The following B4GALNT2 variants were observed in gnomAD, a reference collection of about 807,000 sequenced individuals.
B4GALNT2 encodes the protein beta-1,4-N-acetyl-galactosaminyltransferase 2 (SID blood group).
In B4GALNT2, 42 loss-of-function variants were observed where a neutral mutation model predicts 51.1. That is an observed-to-expected ratio of 0.82 (90% CI 0.64 to 1.06). The LOEUF (loss-of-function observed/expected upper bound fraction) is 1.06, where lower values mean the gene tolerates loss of function less well. Ranked by LOEUF, B4GALNT2 falls within the 50% of genes least tolerant of loss-of-function variation. The probability of loss-of-function intolerance (pLI) is 0.00; values close to 1 mark genes in which losing one functional copy is unlikely to be tolerated. For missense variants in B4GALNT2, 602 were observed against 633.6 expected (o/e 0.95, Z 0.54); for synonymous variants, 253 against 251.7 (o/e 1.01, Z -0.05).
chr17:49,164,902 T>G (rs1394466841), intron 8 of B4GALNT2, among the ~76,000 whole-genome samples: 1 of 152,050 alleles, frequency 6.6e-6, no homozygotes, highest in Non-Finnish European at 1.5e-5. Context: ...GCCTCAACCT[T>G]AAAGGCTCAA....
At chr17:49,138,615 T>C (rs1232186754) in intron 1 of B4GALNT2, among the ~76,000 whole-genome samples, 1 of 152,160 alleles carries the variant, frequency 6.6e-6, no homozygotes, top group African/African-American at 2.4e-5. Flanking sequence ...TGGTGGCTCA[T>C]GCGTGTAATC....
At chr17:49,123,021 T>G in the B4GALNT2 span, among the ~76,000 whole-genome samples, 535 of 152,322 alleles carry the variant, frequency 3.5e-3, 3 homozygotes, top group African/African-American at 0.012. Flanking sequence ...TCTCACTTAG[T>G]TACTTATTTT....
At chr17:49,120,474 GTGTGTGTGTC>G in the B4GALNT2 span, among the ~76,000 whole-genome samples, 1 of 103,972 alleles carries the variant, frequency 9.6e-6, no homozygotes, top group African/African-American at 3.7e-5. Flanking sequence ...TTGTGTGTGT[GTGTGTGTGTC>G]TGTGTGTGTG....
chr17:49,143,609 T>G (rs2042665849), intron 3 of B4GALNT2, among the ~76,000 whole-genome samples: 1 of 152,214 alleles, frequency 6.6e-6, no homozygotes, highest in Non-Finnish European at 1.5e-5. Flanking sequence ...AGGTTTGACT[T>G]TTGAAGCTAG....
Position 49,171,483 on chromosome 17 carries a change from A to G in B4GALNT2, c.*1755A>G, listed in dbSNP as rs1221653391. ...AGAGTGTCCTTCTAGATGCTTTTTTATTCTTTCCCAAATTTTGATCTTATT... is the reference window on the plus strand; with the variant it reads ...AGAGTGTCCTTCTAGATGCTTTTTTGTTCTTTCCCAAATTTTGATCTTATT... On this transcript the variant is annotated 3_prime_UTR_variant, in exon 11 of 11. Transcript: ENST00000393354. 3 of 392,310 alleles carry G rather than the reference A, an allele frequency of 7.6e-6. No individual in the cohort carries two copies. Among genetic ancestry groups the G allele is most frequent in the Admixed American group, 3.6e-5 (1 of 27,494 alleles). The allele number at this position is 392,310 out of a possible 1,614,324, so 24.3% of individuals were successfully genotyped here.
In B4GALNT2 at chr17:49,160,710, T is replaced by C. The variant is rs949411932; in HGVS notation, c.766+69T>C. 8 of 1,398,204 alleles carry C rather than the reference T, an allele frequency of 5.7e-6. No individual in the cohort carries two copies. The African/African-American group carries it at 8.5e-5, about 15-fold the overall frequency. 86.6% of individuals were successfully genotyped at this position (1,398,204 alleles called of 1,614,324 possible). A position where few individuals can be genotyped will look rare whatever the true frequency, so the allele number is the denominator to read the frequency against. ...AGCTATTGGTGAAATTCAGAAGGGA[T>C]CACCTCTGAGACGGAGGAGAATTGA... On this transcript the variant is annotated intron_variant, in intron 7 of 10. Coordinates refer to ENST00000393354, the MANE Select transcript of B4GALNT2 (RefSeq NM_001159387.2).
intron 1 of B4GALNT2, chr17:49,133,299 C>T: frequency 2.1e-6 from 3 of 1,399,266 alleles, no homozygotes; most frequent in Non-Finnish European, 2.8e-6. Context: ...CCACAGTCCG[C>T]GCGGAGTCAG....
chr17:49,153,869 C>T (rs2042782738), intron 4 of B4GALNT2, among the ~76,000 whole-genome samples: 1 of 151,990 alleles, frequency 6.6e-6, no homozygotes, highest in Admixed American at 6.6e-5. Context: ...CCTTTAGTAG[C>T]CATGACCTCC....
intron 4 of B4GALNT2, among the ~76,000 whole-genome samples, chr17:49,154,080 T>A (rs971909001): frequency 1.3e-5 from 2 of 151,678 alleles, no homozygotes; most frequent in African/African-American, 4.8e-5. Context: ...CTCGGCTCAC[T>A]GCAACCTCCT....
chr17:49,159,140 A>T lies in B4GALNT2; in HGVS notation c.602A>T (p.Asp201Val). 2 of 1,614,178 alleles carry T rather than the reference A, an allele frequency of 1.2e-6. No individual in the cohort carries two copies. The highest frequency in any genetic ancestry group is 1.7e-6 in the Non-Finnish European group (2 of 1,180,038). The change falls in exon 6 of 11, where the codon GAC becomes GTC. Residue 201 changes from aspartate to valine, a missense_variant. Asp to Val is a radical substitution (Grantham distance 152). Transcript: ENST00000393354. The part of the protein sequence containing the change: ...GQKQLIISTS[D>V]RKLLKFILQH... Reference sequence around the variant, plus strand: ...AAGCAGCTGATCATTTCTACCAGTGACCGGAAGCTGTTGAAGTTCATTCTT... The same window carrying T: ...AAGCAGCTGATCATTTCTACCAGTGTCCGGAAGCTGTTGAAGTTCATTCTT...
intron 3 of B4GALNT2, among the ~76,000 whole-genome samples, chr17:49,150,167 T>C (rs372290504): frequency 0.11 from 9,763 of 91,076 alleles, 358 homozygotes; most frequent in East Asian, 0.32. Flanking sequence ...AGCCCCTCTG[T>C]CCGGCCAGCC....
At chr17:49,144,691 G>A (rs1468569375) in intron 3 of B4GALNT2, among the ~76,000 whole-genome samples, 1 of 152,216 alleles carries the variant, frequency 6.6e-6, no homozygotes, top group Non-Finnish European at 1.5e-5. Flanking sequence ...CCTGAGGTCA[G>A]GAGTTTGAGA....
chr17:49,133,325 CA>C (rs1400062034), intron 1 of B4GALNT2: 1 of 1,333,146 alleles, frequency 7.5e-7, no homozygotes, highest in African/African-American at 1.6e-5. Context: ...AGTCGGTTTT[CA>C]AATCCAGGCG....
At chr17:49,140,811 C>A (rs555428011) in intron 1 of B4GALNT2, among the ~76,000 whole-genome samples, 2 of 151,586 alleles carry the variant, frequency 1.3e-5, no homozygotes, top group South Asian at 4.2e-4. Flanking sequence ...CTCCGCCTCC[C>A]GGGTTCAAGC....
At chr17:49,132,433 A>G, upstream of B4GALNT2, 1 of 267,514 alleles carries the variant, frequency 3.7e-6, no homozygotes, top group Non-Finnish European at 7.0e-6. Flanking sequence ...GAATTTAGGG[A>G]CCCCCAGCAT....
the B4GALNT2 span, among the ~76,000 whole-genome samples, chr17:49,126,023 G>C: frequency 9.0e-6 from 1 of 110,552 alleles, no homozygotes; most frequent in Non-Finnish European, 2.2e-5. Context: ...TTGAGAGTGG[G>C]CCATGATGAC....
chr17:49,159,145 A>C lies in B4GALNT2; in HGVS notation c.607A>C (p.Lys203Gln). ...GCTGATCATTTCTACCAGTGACCGG[A>C]AGCTGTTGAAGTTCATTCTTCAGCA... is the stretch of plus-strand genomic sequence containing the variant. The part of the protein sequence containing the change: ...KQLIISTSDR[K>Q]LLKFILQHVT... The change falls in exon 6 of 11, where the codon AAG (lysine) becomes CAG (glutamine). Residue 203 changes from lysine to glutamine, a missense_variant. Transcript: ENST00000393354. 1 of 1,614,226 alleles carries C rather than the reference A, an allele frequency of 6.2e-7. No homozygotes were observed. Among genetic ancestry groups the C allele is most frequent in the Non-Finnish European group, 8.5e-7 (1 of 1,180,048 alleles).
At chr17:49,126,496 T>TAAAAAAAAAA in the B4GALNT2 span, among the ~76,000 whole-genome samples, 1 of 118,816 alleles carries the variant, frequency 8.4e-6, no homozygotes, top group African/African-American at 3.2e-5. Context: ...GAATGATCAA[T>TAAAAAAAAAA]AAAAAAAAAA....
chr17:49,165,034 G>C (rs186589686), intron 8 of B4GALNT2, among the ~76,000 whole-genome samples: 40 of 152,036 alleles, frequency 2.6e-4, no homozygotes, highest in African/African-American at 9.4e-4. Flanking sequence ...GGTTGGTCTC[G>C]AACTCCTGGG....
Sources: allele counts gnomAD v4.1 joint callset (sites outside exome capture counted in the v4.1 genomes callset), GRCh38; gene constraint gnomAD v4.1.1; transcripts MANE v1.5; gene names NCBI Gene and HGNC (gene_info 2026-07-23, HGNC 2026-07-21).